NKAIN2: variants seen among roughly 807,000 people sequenced by gnomAD.
NKAIN2 encodes the protein sodium/potassium-transporting ATPase subunit beta-1-interacting protein 2.
A neutral mutation model predicts 32.6 loss-of-function variants in NKAIN2; 14 were observed. The ratio of observed to expected loss-of-function variants is 0.43; its 90% CI spans 0.28 to 0.67. The LOEUF (loss-of-function observed/expected upper bound fraction) is 0.67, where lower values mean the gene tolerates loss of function less well. NKAIN2 is among the 30% of genes least tolerant of loss of function. The pLI is 0.17. For missense variants in NKAIN2, 198 were observed against 258.3 expected (o/e 0.77, Z 1.60); for synonymous variants, 80 against 87.2 (o/e 0.92, Z 0.46).
chr6:123,976,193 C>G (rs1242616815), intron 1 of NKAIN2, among the ~76,000 whole-genome samples: 7 of 147,932 alleles, frequency 4.7e-5, no homozygotes, highest in Admixed American at 2.0e-4. Flanking sequence ...ATGTCTTTAT[C>G]AGCAGCATGA....
chr6:124,175,265 C>T lies in NKAIN2; in HGVS notation c.55-107740C>T, dbSNP rs193121120. 1.1e-3 allele frequency among the ~76,000 whole-genome samples: 169 copies of T among 152,250 alleles called. 1 individual carries two copies. Among genetic ancestry groups the T allele is most frequent in the African/African-American group, 3.6e-3 (149 of 41,562 alleles). ...CCTGAGTGACAGATCTACACTCACA[C>T]AGACTGCATACTAGGCTGCACATCT... On this transcript the variant is annotated intron_variant, in intron 1 of 6. Coordinates refer to ENST00000368417, the MANE Select transcript of NKAIN2 (RefSeq NM_001040214.3).
intron 1 of NKAIN2, among the ~76,000 whole-genome samples, chr6:124,227,847 A>T (rs1523982): frequency 0.7 from 107,001 of 151,988 alleles, 37,842 homozygotes; most frequent in South Asian, 0.76. Flanking sequence ...AAAAATAAAA[A>T]AGATCTGTCT....
intron 1 of NKAIN2, among the ~76,000 whole-genome samples, chr6:124,037,832 C>T (rs578230267): frequency 1.3e-5 from 2 of 152,052 alleles, no homozygotes; most frequent in Admixed American, 6.6e-5. Context: ...ATGATGGGAG[C>T]AACAGTCAAC....
At chr6:124,263,685 C>T (rs992402065) in intron 1 of NKAIN2, among the ~76,000 whole-genome samples, 3 of 150,922 alleles carry the variant, frequency 2.0e-5, no homozygotes, top group African/African-American at 7.4e-5. Context: ...TAAACCGTAT[C>T]ATCTATGCTA....
At chr6:124,307,822 A>G (rs1271504868) in intron 2 of NKAIN2, among the ~76,000 whole-genome samples, 2 of 152,164 alleles carry the variant, frequency 1.3e-5, no homozygotes, top group Non-Finnish European at 2.9e-5. Context: ...TAGTGTTTGA[A>G]AAATTTTACA....
intron 3 of NKAIN2, among the ~76,000 whole-genome samples, chr6:124,370,255 A>G (rs960753703): frequency 2.0e-5 from 3 of 151,560 alleles, no homozygotes; most frequent in Non-Finnish European, 4.4e-5. Flanking sequence ...GATTTGCATG[A>G]AGAAATTTCG....
chr6:123,884,099 T>C (rs2114342747), intron 1 of NKAIN2, among the ~76,000 whole-genome samples: 1 of 152,074 alleles, frequency 6.6e-6, no homozygotes, highest in Non-Finnish European at 1.5e-5. Flanking sequence ...TTCCTGATCC[T>C]CTCCCTCCTC....
chr6:124,199,690 G>C (rs1007995700), intron 1 of NKAIN2, among the ~76,000 whole-genome samples: 8 of 152,166 alleles, frequency 5.3e-5, no homozygotes, highest in Non-Finnish European at 1.0e-4. Context: ...ACATTTTACA[G>C]TATGGGGTGC....
chr6:124,702,782 C>T (rs988987518), intron 4 of NKAIN2, among the ~76,000 whole-genome samples: 1 of 151,990 alleles, frequency 6.6e-6, no homozygotes, highest in African/African-American at 2.4e-5. Flanking sequence ...AATTCCACGC[C>T]CTAAAGGCAA....
chr6:124,247,512 T>G (rs767484222), intron 1 of NKAIN2, among the ~76,000 whole-genome samples: 1 of 152,108 alleles, frequency 6.6e-6, no homozygotes, highest in African/African-American at 2.4e-5. Context: ...CTATATGATA[T>G]TGGTATATCA....
chr6:124,381,615 C>G (rs1216786532), intron 3 of NKAIN2, among the ~76,000 whole-genome samples: 1 of 152,166 alleles, frequency 6.6e-6, no homozygotes, highest in Non-Finnish European at 1.5e-5. Flanking sequence ...TTTCATCGAA[C>G]TTCTCTATAA....
chr6:124,744,605 C>A (rs1400603576), intron 4 of NKAIN2, among the ~76,000 whole-genome samples: 1 of 151,618 alleles, frequency 6.6e-6, no homozygotes, highest in Non-Finnish European at 1.5e-5. Context: ...TTCCAGAAAG[C>A]TTATAATCTA....
At chr6:123,828,561 C>T (rs538583608) in intron 1 of NKAIN2, among the ~76,000 whole-genome samples, 1 of 152,262 alleles carries the variant, frequency 6.6e-6, no homozygotes, top group African/African-American at 2.4e-5. Flanking sequence ...TATTCTATGT[C>T]ATTCCCCTGC....
intron 1 of NKAIN2, among the ~76,000 whole-genome samples, chr6:124,212,878 C>A (rs1791262867): frequency 6.6e-6 from 1 of 152,052 alleles, no homozygotes; most frequent in African/African-American, 2.4e-5. Context: ...CCAGGAATAA[C>A]ATTCATGTAT....
At chr6:124,110,257 A>G (rs532398650) in intron 1 of NKAIN2, among the ~76,000 whole-genome samples, 2 of 152,152 alleles carry the variant, frequency 1.3e-5, no homozygotes, top group African/African-American at 2.4e-5. Context: ...GATGCATCAC[A>G]TTAACAGAAA....
At chr6:124,239,186 C>A (rs1792942000) in intron 1 of NKAIN2, among the ~76,000 whole-genome samples, 1 of 152,212 alleles carries the variant, frequency 6.6e-6, no homozygotes, top group African/African-American at 2.4e-5. Context: ...AGTATCAATG[C>A]AACAGGAAGA....
At chr6:123,888,658 G>A (rs766223304) in intron 1 of NKAIN2, among the ~76,000 whole-genome samples, 9 of 151,618 alleles carry the variant, frequency 5.9e-5, no homozygotes, top group South Asian at 2.1e-4. Flanking sequence ...TCCTTTGTTC[G>A]CATTTTTTTA....
intron 3 of NKAIN2, among the ~76,000 whole-genome samples, chr6:124,387,712 A>G (rs1438373678): frequency 6.6e-6 from 1 of 152,012 alleles, no homozygotes; most frequent in Non-Finnish European, 1.5e-5. Context: ...AAGAATACCT[A>G]TTTTTCGCCT....
intron 1 of NKAIN2, among the ~76,000 whole-genome samples, chr6:124,138,431 A>C (rs930472794): frequency 1.3e-5 from 2 of 152,098 alleles, no homozygotes; most frequent in African/African-American, 2.4e-5. Flanking sequence ...ACAGTATGGA[A>C]ATTTTTTAAA....
Sources: allele counts gnomAD v4.1 joint callset (sites outside exome capture counted in the v4.1 genomes callset), GRCh38; gene constraint gnomAD v4.1.1; transcripts MANE v1.5; gene names NCBI Gene and HGNC (gene_info 2026-07-23, HGNC 2026-07-21).